CACNA1A: variants seen among roughly 807,000 people sequenced by gnomAD.
CACNA1A encodes voltage-dependent P/Q-type calcium channel subunit alpha-1A.
CACNA1A carries 57 observed loss-of-function variants against 262.4 expected under a neutral mutation model. The ratio of observed to expected loss-of-function variants is 0.22; its 90% CI spans 0.18 to 0.27. The LOEUF is 0.27. Ranked by LOEUF, CACNA1A falls within the 10% of genes least tolerant of loss-of-function variation. CACNA1A has a pLI of 1.00. For missense variants in CACNA1A, 2,526 were observed against 3,562.8 expected, an observed-to-expected ratio of 0.71 and a Z score of 7.41; for synonymous variants, 1,431 against 1,419.3, an observed-to-expected ratio of 1.01 and a Z score of -0.18.
intron 6 of CACNA1A, among the ~76,000 whole-genome samples, chr19:13,343,982 AG>A (rs1282660057): frequency 1.3e-5 from 2 of 152,160 alleles, no homozygotes; most frequent in Admixed American, 1.3e-4. Context: ...GGGCTAAGGC[AG>A]GAGGATCGCT....
At chr19:13,397,026 C>T (rs570066932) in intron 3 of CACNA1A, among the ~76,000 whole-genome samples, 3 of 152,338 alleles carry the variant, frequency 2.0e-5, no homozygotes, top group Non-Finnish European at 4.4e-5. Context: ...CTATTTCTCT[C>T]ACCTGTTCCT....
intron 6 of CACNA1A, among the ~76,000 whole-genome samples, chr19:13,354,172 G>T (rs2058963762): frequency 6.6e-6 from 1 of 152,160 alleles, no homozygotes; most frequent in Non-Finnish European, 1.5e-5. Flanking sequence ...ACAAAGGGCT[G>T]CCTACCCAGG....
At position 13,299,110 on chromosome 19, in the gene CACNA1A, G is replaced by C. The variant is rs1159990235; in HGVS notation, c.2523C>G (p.Ala841=). The part of the protein sequence containing the change: ...RNNNTNKSRA[A]EPTVDQRLGQ... ...CGAGGCGCTGGTCCACGGTGGGCTC[G>C]GCCGCCCGGCTCTTGTTGGTGTTGT... The change falls in exon 19 of 47, where the codon GCC becomes GCG. Residue 841 remains alanine, a synonymous_variant. Coordinates refer to ENST00000360228, the MANE Select transcript of CACNA1A (RefSeq NM_001127222.2). The C allele has an allele frequency of 3.1e-6, 5 of 1,612,180 alleles. No individual in the cohort carries two copies. In the African/African-American group the frequency reaches 6.7e-5, roughly 22 times the overall value.
chr19:13,279,034 A>T (rs987459059), intron 22 of CACNA1A, among the ~76,000 whole-genome samples: 17 of 152,102 alleles, frequency 1.1e-4, no homozygotes, highest in African/African-American at 4.1e-4. Flanking sequence ...TGCAGGGACC[A>T]TCTCATACCC....
intron 3 of CACNA1A, among the ~76,000 whole-genome samples, chr19:13,445,883 A>G (rs1024602827): frequency 6.6e-6 from 1 of 152,212 alleles, no homozygotes; most frequent in Non-Finnish European, 1.5e-5. Flanking sequence ...AACTTCACCC[A>G]AGAAGAAGGT....
At position 13,207,211 on chromosome 19, in the gene CACNA1A, CGGGCCCTCTGTGCT is replaced by C. The variant is rs2054599000; in HGVS notation, c.*88_*101del. 3 of 1,270,406 alleles carry C rather than the reference CGGGCCCTCTGTGCT, an allele frequency of 2.4e-6. No individual in the cohort carries two copies. Among genetic ancestry groups the C allele is most frequent in the Non-Finnish European group, 2.1e-6 (2 of 973,286 alleles). The allele number at this position is 1,270,406 out of a possible 1,614,324, so 78.7% of individuals were successfully genotyped here. ...TGGGGTCTCCCGGCTGGCCCTCTCC[CGGGCCCTCTGTGCT>C]GGGCCCCCGCGGCCTCTGCGCGGCT... On this transcript the variant is annotated 3_prime_UTR_variant, in exon 47 of 47. Transcript: ENST00000360228. This position sits in a 1 kb window ranked among gnomAD's most constrained non-coding sequence, Gnocchi z 5.7.
In CACNA1A at chr19:13,488,390, C is replaced by CTTTTTTTTTTTTT. The variant is rs34348281; in HGVS notation, c.293+17529_293+17541dup. ...GCATCAGCATTTTCCTTTTTCTTTT[C>CTTTTTTTTTTTTT]TTTTTTTTTTTTTTTTTTTTTTTTT... On this transcript the variant is annotated intron_variant, in intron 1 of 46. Coordinates refer to ENST00000360228, the MANE Select transcript of CACNA1A (RefSeq NM_001127222.2). 3.2e-4 allele frequency among the ~76,000 whole-genome samples: 25 copies of CTTTTTTTTTTTTT among 77,636 alleles called. 1 individual carries two copies. The highest frequency in any genetic ancestry group is 7.8e-4 in the African/African-American group (13 of 16,656). 50.9% of individuals were successfully genotyped at this position (77,636 alleles called of 152,430 possible). A position where few individuals can be genotyped will look rare whatever the true frequency, so the allele number is the denominator to read the frequency against.
intron 3 of CACNA1A, among the ~76,000 whole-genome samples, chr19:13,400,526 A>G (rs1461198290): frequency 6.6e-6 from 1 of 152,136 alleles, no homozygotes; most frequent in Non-Finnish European, 1.5e-5. Flanking sequence ...ACTGACTTTA[A>G]GAAATCTTCT....
intron 12 of CACNA1A, among the ~76,000 whole-genome samples, chr19:13,310,976 A>G (rs2145020752): frequency 6.6e-6 from 1 of 152,096 alleles, no homozygotes; most frequent in African/African-American, 2.4e-5. Flanking sequence ...TTTTTTTAGT[A>G]TAGACGGGGT....
In CACNA1A at chr19:13,255,404, C is replaced by T. The variant is rs576775586; in HGVS notation, c.4591-145G>A. On this transcript the variant is annotated intron_variant, in intron 28 of 46. Transcript: ENST00000360228. ...CTTGCCCCCAGCCAGGATTCCTGGG[C>T]TCTCTCTTCCTTCTCACCATTGCTT... is the stretch of plus-strand genomic sequence containing the variant. 10 of 694,122 alleles carry T rather than the reference C, an allele frequency of 1.4e-5. No individual in the cohort carries two copies. In the East Asian group the frequency reaches 2.3e-4, roughly 16 times the overall value. The allele number at this position is 694,122 out of a possible 1,614,324, so 43.0% of individuals were successfully genotyped here.
intron 4 of CACNA1A, chr19:13,366,148 G>A (rs2059207155): frequency 6.6e-6 from 1 of 152,072 alleles, no homozygotes; most frequent in Non-Finnish European, 1.5e-5. Flanking sequence ...ATTTTTAGTG[G>A]AGACAGGGTT....
At chr19:13,372,172 A>T (rs1011218902) in intron 3 of CACNA1A, among the ~76,000 whole-genome samples, 2 of 151,154 alleles carry the variant, frequency 1.3e-5, no homozygotes, top group South Asian at 4.2e-4. Flanking sequence ...ATTTTATTTT[A>T]TTTTTTTGAG....
intron 3 of CACNA1A, among the ~76,000 whole-genome samples, chr19:13,372,217 G>A (rs10414468): frequency 0.033 from 4,959 of 151,892 alleles, 201 homozygotes; most frequent in East Asian, 0.092. Context: ...GCTGGAGTGC[G>A]ATCTCCAATG....
In CACNA1A at chr19:13,314,424, T is replaced by C. The variant is rs527683376; in HGVS notation, c.1556-1643A>G. Among the ~76,000 whole-genome samples the C allele has an allele frequency of 5.9e-5, 9 of 152,286 alleles. No individual in the cohort carries two copies. In the South Asian group the frequency reaches 1.9e-3, roughly 32 times the overall value. ...GGGCCTTCAGGAGGTGATTAAGTCA[T>C]TACGGTAGAGCTCTCATGAATGGGA... On this transcript the variant is annotated intron_variant, in intron 11 of 46. Transcript: ENST00000360228.
At chr19:13,387,855 TAAAAC>T (rs1254486196) in intron 3 of CACNA1A, among the ~76,000 whole-genome samples, 1 of 151,942 alleles carries the variant, frequency 6.6e-6, no homozygotes, top group Admixed American at 6.6e-5. Context: ...CTCTAAAAAT[TAAAAC>T]AAAATTAAAA....
At chr19:13,487,869 C>T (rs1233270976) in intron 1 of CACNA1A, among the ~76,000 whole-genome samples, 3 of 151,594 alleles carry the variant, frequency 2.0e-5, no homozygotes, top group African/African-American at 7.3e-5. Context: ...GCAGTGGCAC[C>T]ATCATTGTTC....
intron 10 of CACNA1A, among the ~76,000 whole-genome samples, chr19:13,329,908 A>G (rs2058437407): frequency 6.6e-6 from 1 of 151,854 alleles, no homozygotes; most frequent in Non-Finnish European, 1.5e-5. Context: ...CTTGTTTGCA[A>G]CCAAGCACCT....
chr19:13,446,698 C>T (rs1030115414), intron 3 of CACNA1A, among the ~76,000 whole-genome samples: 2 of 149,374 alleles, frequency 1.3e-5, no homozygotes, highest in Non-Finnish European at 3.0e-5. Flanking sequence ...TTCAAGCGAT[C>T]TGCCCGCCTC....
chr19:13,276,152 G>T (rs1338981904), intron 23 of CACNA1A, among the ~76,000 whole-genome samples, 196 bp from the exon 24 acceptor site: 1 of 152,170 alleles, frequency 6.6e-6, no homozygotes, highest in African/African-American at 2.4e-5. Context: ...CCCTTTGCCT[G>T]ATGGAAGCCA....
Sources: gnomAD v4.1 joint callset for allele counts (sites outside exome capture counted in the v4.1 genomes callset) on GRCh38, gnomAD v4.1.1 for gene constraint, Gnocchi (gnomAD v3.1) non-coding constraint, MANE v1.5 for transcripts, NCBI Gene and HGNC (gene_info 2026-07-23, HGNC 2026-07-21) for gene names.